Variants in EXOC2 observed in about 807,000 individuals in gnomAD.
EXOC2 encodes SEC5-like 1.
A neutral mutation model predicts 131.8 loss-of-function variants in EXOC2; 70 were observed. The ratio of observed to expected loss-of-function variants is 0.53; its 90% CI spans 0.44 to 0.65. The LOEUF is 0.65. Among genes scored for constraint, EXOC2 ranks in the 30% least tolerant of loss-of-function variants. The probability of loss-of-function intolerance (pLI) is 0.00; values close to 1 mark genes in which losing one functional copy is unlikely to be tolerated. For synonymous variants in EXOC2, 411 were observed against 398.4 expected, an observed-to-expected ratio of 1.03 and a Z score of -0.38; for missense variants, 923 against 1,108.6, an observed-to-expected ratio of 0.83 and a Z score of 2.38.
At chr6:616,263 C>T (rs1760992688) in intron 6 of EXOC2, among the ~76,000 whole-genome samples, 1 of 152,174 alleles carries the variant, frequency 6.6e-6, no homozygotes, top group Non-Finnish European at 1.5e-5. Context: ...AGGAAGAGCA[C>T]CTACCTTCTC....
intron 26 of EXOC2, among the ~76,000 whole-genome samples, chr6:490,421 G>C (rs1282318451): frequency 6.6e-6 from 1 of 152,198 alleles, no homozygotes; most frequent in Non-Finnish European, 1.5e-5. Flanking sequence ...ATGGCTGCTG[G>C]TGAGCTGTGA....
intron 1 of EXOC2, among the ~76,000 whole-genome samples, chr6:691,089 A>T (rs1356668980): frequency 2.0e-5 from 3 of 152,186 alleles, no homozygotes; most frequent in Admixed American, 2.0e-4. Context: ...CTGAGAGGAC[A>T]CCTCTGTAAC....
chr6:554,533 T>C (rs973948068), intron 20 of EXOC2, among the ~76,000 whole-genome samples: 9 of 152,146 alleles, frequency 5.9e-5, no homozygotes, highest in African/African-American at 1.4e-4. Flanking sequence ...TAAAAACTTA[T>C]TGGGTCTCTA....
chr6:661,885 A>G (rs1763438085), intron 1 of EXOC2, among the ~76,000 whole-genome samples: 2 of 152,242 alleles, frequency 1.3e-5, no homozygotes, highest in Non-Finnish European at 2.9e-5. Flanking sequence ...CTCACCAACC[A>G]ACAATCTGCT....
intron 12 of EXOC2, among the ~76,000 whole-genome samples, chr6:573,728 ATAATT>A (rs1441265804): frequency 2.0e-5 from 3 of 151,792 alleles, no homozygotes; most frequent in Admixed American, 6.6e-5. Flanking sequence ...TAATGATTTA[ATAATT>A]TAAATAGTTA....
chr6:622,135 C>A (rs779520423), intron 4 of EXOC2, among the ~76,000 whole-genome samples: 4 of 152,216 alleles, frequency 2.6e-5, no homozygotes, highest in African/African-American at 9.6e-5. Flanking sequence ...GGCGTGTCAT[C>A]GCGGGCAGAA....
chr6:507,065 CACACACACACACACAGCAGTGACTACAT>C (rs1561794288), intron 23 of EXOC2, among the ~76,000 whole-genome samples: 5 of 128,744 alleles, frequency 3.9e-5, no homozygotes, highest in African/African-American at 1.4e-4. Flanking sequence ...GCAGTGATCC[CACACACACACACACAGCAGTGACTACAT>C]ACACACACAC....
At chr6:582,481 C>A (rs189465430) in intron 11 of EXOC2, among the ~76,000 whole-genome samples, 1 of 152,072 alleles carries the variant, frequency 6.6e-6, no homozygotes, top group Admixed American at 6.6e-5. Flanking sequence ...CATTTTCCTG[C>A]GCACAGCGGG....
intron 25 of EXOC2, among the ~76,000 whole-genome samples, chr6:493,741 G>C (rs1022571442): frequency 2.8e-4 from 43 of 152,198 alleles, no homozygotes; most frequent in African/African-American, 9.7e-4. Context: ...CAGTGGGAGA[G>C]TGAAGCGGGA....
chr6:690,685 A>G (rs1414933336), intron 1 of EXOC2, among the ~76,000 whole-genome samples: 1 of 152,244 alleles, frequency 6.6e-6, no homozygotes, highest in Non-Finnish European at 1.5e-5. Context: ...CCTAGGCAAC[A>G]GGGTGAGACT....
intron 1 of EXOC2, chr6:655,883 T>A: frequency 2.3e-6 from 1 of 439,468 alleles, no homozygotes. Context: ...TTTGATAGAA[T>A]CTTAAGCAGG....
intron 16 of EXOC2, among the ~76,000 whole-genome samples, chr6:563,671 T>C (rs1285304977): frequency 6.6e-6 from 1 of 152,224 alleles, no homozygotes; most frequent in Non-Finnish European, 1.5e-5. Flanking sequence ...TTCCTTTGAT[T>C]GGACATTGAT....
chr6:574,914 G>T (rs572619390), intron 12 of EXOC2, among the ~76,000 whole-genome samples: 3 of 152,378 alleles, frequency 2.0e-5, no homozygotes, highest in African/African-American at 7.2e-5. Flanking sequence ...CAGATGGCAG[G>T]TGGCGTGCCA....
chr6:560,632 G>C (rs1757648742), intron 17 of EXOC2, among the ~76,000 whole-genome samples: 1 of 152,094 alleles, frequency 6.6e-6, no homozygotes, highest in South Asian at 2.1e-4. Flanking sequence ...GTGTGAGGGA[G>C]AATTAGCTAT....
At chr6:564,297 A>T in intron 15 of EXOC2, 143 bp from the exon 16 acceptor site, 1 of 1,298,500 alleles carries the variant, frequency 7.7e-7, no homozygotes, top group Non-Finnish European at 1.0e-6. Context: ...CACAACTGGG[A>T]CTGTACTGTC....
At chr6:577,163 T>C (rs1758630896) in intron 11 of EXOC2, among the ~76,000 whole-genome samples, 1 of 152,352 alleles carries the variant, frequency 6.6e-6, no homozygotes, top group Middle Eastern at 3.4e-3. Context: ...CTAGGAAAGA[T>C]AATGGAGTTC....
Position 576,778 on chromosome 6 carries a change from AGCTGCT to A in EXOC2, c.1291_1296del (p.Ser431_Ser432del), listed in dbSNP as rs774446748. Reference sequence around the variant, plus strand: ...TTACTGTCGTCTCGACCAGACTGAAAGCTGCTGCCCCTCTTCAGGGACGCTGTCTGA... The same window carrying A: ...TTACTGTCGTCTCGACCAGACTGAAAGCCCCTCTTCAGGGACGCTGTCTGA... On this transcript the variant is annotated inframe_deletion, in exon 12 of 28. Coordinates refer to ENST00000230449, the MANE Select transcript of EXOC2 (RefSeq NM_018303.6). 1 of 1,614,006 alleles carries A rather than the reference AGCTGCT, an allele frequency of 6.2e-7. No individual in the cohort carries two copies. Among genetic ancestry groups the A allele is most frequent in the Non-Finnish European group, 8.5e-7 (1 of 1,179,998 alleles).
At chr6:535,450 G>GA (rs1766381591) in intron 22 of EXOC2, among the ~76,000 whole-genome samples, 1 of 151,792 alleles carries the variant, frequency 6.6e-6, no homozygotes, top group Non-Finnish European at 1.5e-5. Context: ...AAGAAATAAA[G>GA]AAAAAAACCC....
intron 7 of EXOC2, among the ~76,000 whole-genome samples, chr6:600,086 C>T (rs1760048353): frequency 6.6e-6 from 1 of 152,096 alleles, no homozygotes; most frequent in African/African-American, 2.4e-5. Context: ...ATACTTTAAG[C>T]AAAGATGAAA....
Sources: allele counts gnomAD v4.1 joint callset (sites outside exome capture counted in the v4.1 genomes callset), GRCh38; gene constraint gnomAD v4.1.1; transcripts MANE v1.5; gene names NCBI Gene and HGNC (gene_info 2026-07-23, HGNC 2026-07-21).